The following ANO3 variants were observed in gnomAD, a reference collection of about 807,000 sequenced individuals.
ANO3 encodes anoctamin 3, also known as anoctamin-3.
In ANO3, 99 loss-of-function variants were observed where a neutral mutation model predicts 144.8. The ratio of observed to expected loss-of-function variants is 0.68; its 90% CI spans 0.58 to 0.81. The LOEUF (loss-of-function observed/expected upper bound fraction) is 0.81. Ranked by LOEUF, ANO3 falls within the 30% of genes least tolerant of loss-of-function variation. The pLI, the probability that ANO3 is intolerant of heterozygous loss-of-function variation, is 0.00. For missense variants in ANO3, 905 were observed against 1,202.2 expected (o/e 0.75, Z 3.66); for synonymous variants, 414 against 392.6 (o/e 1.05, Z -0.64).
chr11:26,581,688 C>CAA (rs10612768), intron 14 of ANO3, among the ~76,000 whole-genome samples: 10 of 84,718 alleles, frequency 1.2e-4, no homozygotes, highest in African/African-American at 2.3e-4. Context: ...GACTCTGTCT[C>CAA]AAAAAAAAAA....
At chr11:26,363,854 T>G (rs1438742805) in intron 1 of ANO3, among the ~76,000 whole-genome samples, 2 of 151,324 alleles carry the variant, frequency 1.3e-5, no homozygotes, top group Non-Finnish European at 2.9e-5. Flanking sequence ...ATTAAACCAA[T>G]TGACCTAACT....
intron 1 of ANO3, among the ~76,000 whole-genome samples, chr11:26,349,985 T>C (rs1855598081): frequency 6.6e-6 from 1 of 152,078 alleles, no homozygotes; most frequent in Non-Finnish European, 1.5e-5. Flanking sequence ...CCCCTGGCAT[T>C]TCCCCCTTCC....
chr11:26,623,849 C>T (rs771018140), intron 17 of ANO3, among the ~76,000 whole-genome samples: 2 of 151,946 alleles, frequency 1.3e-5, no homozygotes, highest in African/African-American at 2.4e-5. Flanking sequence ...TGCAGTGGCA[C>T]GATCTCTGCT....
chr11:26,427,507 A>G (rs1857953396), intron 1 of ANO3: 1 of 152,146 alleles, frequency 6.6e-6, no homozygotes, highest in South Asian at 2.1e-4. Context: ...AAAATATAAG[A>G]CATTTCAAAA....
upstream of ANO3, among the ~76,000 whole-genome samples, chr11:26,330,672 GTAA>G (rs1855015735): frequency 6.6e-6 from 1 of 152,090 alleles, no homozygotes; most frequent in Admixed American, 6.6e-5. Flanking sequence ...AAATCCATAA[GTAA>G]TAATAATAAA....
chr11:26,438,038 CAA>C (rs1177813432), intron 1 of ANO3, among the ~76,000 whole-genome samples: 1 of 145,578 alleles, frequency 6.9e-6, no homozygotes, highest in Non-Finnish European at 1.5e-5. Flanking sequence ...CACTACTGAA[CAA>C]AAAAATAATA....
chr11:26,192,616 G>A (rs1851499931), intron 1 of ANO3, among the ~76,000 whole-genome samples: 1 of 152,122 alleles, frequency 6.6e-6, no homozygotes, highest in African/African-American at 2.4e-5. Context: ...CTATAAGGTA[G>A]TATTCATTCA....
chr11:26,359,381 T>C (rs1855864954), intron 1 of ANO3, among the ~76,000 whole-genome samples: 1 of 152,202 alleles, frequency 6.6e-6, no homozygotes, highest in Admixed American at 6.5e-5. Context: ...CAGTATTCCC[T>C]GAAGTGTGAG....
intron 1 of ANO3, among the ~76,000 whole-genome samples, chr11:26,243,177 A>G (rs942169679): frequency 6.6e-6 from 1 of 152,148 alleles, no homozygotes; most frequent in African/African-American, 2.4e-5. Flanking sequence ...CTAAAAAACA[A>G]TACACGTTTT....
intron 1 of ANO3, among the ~76,000 whole-genome samples, chr11:26,319,434 G>T (rs1017798264): frequency 1.3e-5 from 2 of 152,060 alleles, no homozygotes; most frequent in East Asian, 3.9e-4. Context: ...AGACTTCATG[G>T]TAGGATAAAC....
intron 1 of ANO3, among the ~76,000 whole-genome samples, chr11:26,193,048 T>G (rs1032244137): frequency 2.6e-5 from 4 of 151,940 alleles, no homozygotes; most frequent in African/African-American, 9.7e-5. Flanking sequence ...CCGCATGCAT[T>G]AGGTATTTGT....
chr11:26,472,067 G>A (rs1430993196), intron 4 of ANO3, among the ~76,000 whole-genome samples: 1 of 151,908 alleles, frequency 6.6e-6, no homozygotes, highest in Non-Finnish European at 1.5e-5. Context: ...ATTAATGTAT[G>A]GGCATTCCAG....
chr11:26,604,748 T>C (rs1851889504), intron 17 of ANO3, among the ~76,000 whole-genome samples: 1 of 152,120 alleles, frequency 6.6e-6, no homozygotes, highest in Admixed American at 6.5e-5. Flanking sequence ...ATGCTTGTGA[T>C]TTTTGCATAT....
In ANO3 at chr11:26,565,846, C is replaced by T. The variant is rs760168571; in HGVS notation, c.1447+6067C>T. Reference sequence around the variant, plus strand: ...AACGTTGAAATCAACAGAATTTTGGCTAAGGCCAACATTGTAGGCTTCTTT... The same window carrying T: ...AACGTTGAAATCAACAGAATTTTGGTTAAGGCCAACATTGTAGGCTTCTTT... On this transcript the variant is annotated intron_variant, in intron 14 of 26. Coordinates refer to ENST00000256737, the MANE Select transcript of ANO3 (RefSeq NM_031418.4). The T allele has an allele frequency of 1.5e-5, 24 of 1,612,170 alleles. No individual in the cohort carries two copies. The highest frequency in any genetic ancestry group is 2.2e-5 in the East Asian group (1 of 44,834).
intron 17 of ANO3, among the ~76,000 whole-genome samples, 171 bp downstream of exon 17, chr11:26,599,885 G>C (rs999903994): frequency 6.6e-6 from 1 of 152,122 alleles, no homozygotes; most frequent in Non-Finnish European, 1.5e-5. Context: ...TTGTAGTTTA[G>C]ATGATAGATT....
intron 1 of ANO3, among the ~76,000 whole-genome samples, chr11:26,336,542 TTGCAAG>T (rs1169315059): frequency 2.6e-5 from 4 of 152,228 alleles, no homozygotes; most frequent in African/African-American, 9.6e-5. Flanking sequence ...TTTGTTGCTA[TTGCAAG>T]TGCACACCCG....
At chr11:26,572,796 C>A (rs947684739) in intron 14 of ANO3, among the ~76,000 whole-genome samples, 5 of 152,120 alleles carry the variant, frequency 3.3e-5, no homozygotes, top group Admixed American at 2.0e-4. Context: ...CGGTTTCTTG[C>A]TGACTTTCAG....
intron 1 of ANO3, among the ~76,000 whole-genome samples, chr11:26,394,815 A>T (rs1037099089): frequency 4.6e-5 from 7 of 152,010 alleles, no homozygotes; most frequent in Non-Finnish European, 1.0e-4. Flanking sequence ...ACCTAAGGTG[A>T]TCCGCCCACC....
At chr11:26,498,232 T>C (rs879615776) in intron 4 of ANO3, among the ~76,000 whole-genome samples, 2 of 152,012 alleles carry the variant, frequency 1.3e-5, no homozygotes, top group Non-Finnish European at 2.9e-5. Flanking sequence ...ATGTATTGTT[T>C]AGGGATTATG....
Sources: gnomAD v4.1 joint callset for allele counts (sites outside exome capture counted in the v4.1 genomes callset) on GRCh38, gnomAD v4.1.1 for gene constraint, MANE v1.5 for transcripts, NCBI Gene and HGNC (gene_info 2026-07-23, HGNC 2026-07-21) for gene names.